UBA6: variants seen among roughly 807,000 people sequenced by gnomAD.
The protein encoded by UBA6 is ubiquitin-like modifier-activating enzyme 6.
A neutral mutation model predicts 148.3 loss-of-function variants in UBA6; 87 were observed. That is an observed-to-expected ratio of 0.59 (90% confidence interval 0.49 to 0.70). The LOEUF (loss-of-function observed/expected upper bound fraction) is 0.70, where lower values mean the gene tolerates loss of function less well. UBA6 is among the 30% of genes least tolerant of loss of function. The probability of loss-of-function intolerance (pLI) is 0.00; values close to 1 mark genes in which losing one functional copy is unlikely to be tolerated. For synonymous variants in UBA6, 376 were observed against 401.0 expected (o/e 0.94, Z 0.75); for missense variants, 1,186 against 1,241.2 (o/e 0.96, Z 0.67).
At position 67,621,943 on chromosome 4, in the gene UBA6, T is replaced by C. The variant is rs1242100556; in HGVS notation, c.3023+888A>G. 7.9e-5 allele frequency among the ~76,000 whole-genome samples: 12 copies of C among 151,710 alleles called. No individual in the cohort carries two copies. In the South Asian group the frequency reaches 2.1e-3, roughly 26 times the overall value. On this transcript the variant is annotated intron_variant, in intron 32 of 32. Transcript: ENST00000322244. ...ATACTAGACTGGGGCTGAGGACAGG[T>C]TGCAGTATTAAATGAGGCCTCTTTA...
At chr4:67,664,874 T>C (rs1729952899) in intron 10 of UBA6, among the ~76,000 whole-genome samples, 1 of 152,128 alleles carries the variant, frequency 6.6e-6, no homozygotes, top group African/African-American at 2.4e-5. Context: ...AGAAAGTAAA[T>C]TGTAATAAGT....
Position 67,665,249 on chromosome 4 carries a change from C to T in UBA6, c.837G>A (p.Leu279=), listed in dbSNP as rs374297900. ...FSFSIGDTTE[L]EPYLHGGIAV... is the part of the protein sequence containing the mutation. The stretch of plus-strand genomic sequence containing the variant: ...CTATGCCTCCATGTAAATATGGTTC[C>T]AGTTCTGTGGTGTCACCAATACTAA... The change falls in exon 10 of 33, where the codon CTG becomes CTA. Residue 279 remains leucine, a synonymous_variant. Transcript: ENST00000322244. 4.7e-4 allele frequency: 762 copies of T among 1,606,722 alleles called. 13 individuals are homozygous for T. The South Asian group carries it at 8.0e-3, about 17-fold the overall frequency.
intron 6 of UBA6, among the ~76,000 whole-genome samples, chr4:67,675,177 T>C (rs1333631478): frequency 6.6e-6 from 1 of 152,200 alleles, no homozygotes; most frequent in African/African-American, 2.4e-5. Flanking sequence ...GCTTTGGTAA[T>C]TTCCTCAGGT....
At chr4:67,657,061 G>A (rs1160704855) in intron 13 of UBA6, among the ~76,000 whole-genome samples, 2 of 152,208 alleles carry the variant, frequency 1.3e-5, no homozygotes, top group Non-Finnish European at 2.9e-5. Flanking sequence ...AACATTCCAT[G>A]CTCATGGATA....
At chr4:67,656,542 G>C (rs1729700227) in intron 13 of UBA6, among the ~76,000 whole-genome samples, 1 of 152,078 alleles carries the variant, frequency 6.6e-6, no homozygotes, top group African/African-American at 2.4e-5. Flanking sequence ...AAAATAATAA[G>C]AGCTATTTAT....
intron 19 of UBA6, among the ~76,000 whole-genome samples, chr4:67,637,762 C>T (rs761519072): frequency 6.6e-6 from 1 of 152,014 alleles, no homozygotes; most frequent in Non-Finnish European, 1.5e-5. Context: ...AGAGTCATCA[C>T]CACTCCCTAA....
At chr4:67,630,678 G>A in intron 25 of UBA6, 143 bp from the exon 26 acceptor site, 1 of 548,592 alleles carries the variant, frequency 1.8e-6, no homozygotes, top group Non-Finnish European at 3.0e-6. Context: ...TTTTAAGTTA[G>A]ACAAAAATAT....
intron 2 of UBA6, among the ~76,000 whole-genome samples, chr4:67,695,327 G>A (rs1263442523): frequency 6.6e-6 from 1 of 152,184 alleles, no homozygotes; most frequent in African/African-American, 2.4e-5. Flanking sequence ...TCATTTCAGA[G>A]ATTTTACACT....
intron 4 of UBA6, among the ~76,000 whole-genome samples, chr4:67,680,099 G>A (rs973091194): frequency 5.9e-5 from 9 of 152,124 alleles, no homozygotes; most frequent in Non-Finnish European, 1.2e-4. Context: ...GTAAGTTAAT[G>A]GGGAAAAATG....
intron 26 of UBA6, 126 bp downstream of exon 26, chr4:67,630,340 T>C (rs773406234): frequency 4.2e-6 from 3 of 719,590 alleles, no homozygotes; most frequent in Non-Finnish European, 6.8e-6. Flanking sequence ...AAAAATACAA[T>C]AAAAATTCTG....
chr4:67,649,606 T>C (rs1729504949), intron 13 of UBA6, among the ~76,000 whole-genome samples: 1 of 152,168 alleles, frequency 6.6e-6, no homozygotes, highest in Non-Finnish European at 1.5e-5. Flanking sequence ...AACCCTGAAC[T>C]ATGATAAAGG....
At chr4:67,627,937 C>CTT (rs34031669) in intron 27 of UBA6, among the ~76,000 whole-genome samples, 4 of 135,214 alleles carry the variant, frequency 3.0e-5, no homozygotes, top group Non-Finnish European at 3.2e-5. Flanking sequence ...CTCCCTATTG[C>CTT]TTTTTTTTTT....
chr4:67,626,431 A>G lies in UBA6; in HGVS notation c.2447T>C (p.Ile816Thr), dbSNP rs746695138. 4.3e-6 allele frequency: 7 copies of G among 1,611,616 alleles called. No individual in the cohort carries two copies. Among genetic ancestry groups the G allele is most frequent in the Non-Finnish European group, 5.9e-6 (7 of 1,178,418 alleles). The change falls in exon 28 of 33, where the codon ATT becomes ACT. Residue 816 changes from isoleucine (I) to threonine (T), a missense_variant. By Grantham distance (89) the Ile-to-Thr change is moderately conservative (BLOSUM62 -1). Coordinates refer to ENST00000322244, the MANE Select transcript of UBA6 (RefSeq NM_018227.6). ...TGCATTCCTCTCATCTTCACTGCTA[A>G]TAGGAACATGGTCTGGTTTCCTTGC... Reference protein sequence around the residue: ...ETARKPDHVPISSEDERNAIF... With the variant: ...ETARKPDHVPTSSEDERNAIF...
intron 16 of UBA6, among the ~76,000 whole-genome samples, chr4:67,645,137 T>A (rs561776208): frequency 6.6e-6 from 1 of 152,154 alleles, no homozygotes; most frequent in African/African-American, 2.4e-5. Context: ...TCCATATGCA[T>A]GTAAAAAGCT....
intron 18 of UBA6, 22 bp from the exon 19 acceptor site, chr4:67,639,146 A>G: frequency 6.3e-7 from 1 of 1,582,842 alleles, no homozygotes; most frequent in South Asian, 1.1e-5. Context: ...ATATAAGCAG[A>G]AGGAATATGT....
At chr4:67,671,283 GT>G (rs1347421001) in intron 7 of UBA6, among the ~76,000 whole-genome samples, 5 of 152,048 alleles carry the variant, frequency 3.3e-5, no homozygotes, top group African/African-American at 1.2e-4. Context: ...ATAAAATAAT[GT>G]TTTTCTAACA....
intron 8 of UBA6, among the ~76,000 whole-genome samples, chr4:67,669,574 A>G (rs1730090906): frequency 1.3e-5 from 2 of 152,322 alleles, no homozygotes; most frequent in South Asian, 2.1e-4. Flanking sequence ...AGGTAAAATA[A>G]TATTAAAAGG....
At chr4:67,678,016 T>G (rs1368713756) in intron 5 of UBA6, among the ~76,000 whole-genome samples, 1 of 149,388 alleles carries the variant, frequency 6.7e-6, no homozygotes, top group East Asian at 1.9e-4. Context: ...AAAGTCCTTC[T>G]TTAATAAATT....
At chr4:67,645,442 T>C (rs1729400039) in intron 16 of UBA6, among the ~76,000 whole-genome samples, 1 of 151,848 alleles carries the variant, frequency 6.6e-6, no homozygotes. Flanking sequence ...CTATTGAAAA[T>C]ACAAAAATTA....
Sources: allele counts gnomAD v4.1 joint callset (sites outside exome capture counted in the v4.1 genomes callset), GRCh38; gene constraint gnomAD v4.1.1; transcripts MANE v1.5; gene names NCBI Gene and HGNC (gene_info 2026-07-23, HGNC 2026-07-21).